The following PHF21B variants were observed in gnomAD, a reference collection of about 807,000 sequenced individuals.
The protein encoded by PHF21B is PHD finger protein 21B.
PHF21B carries 22 observed loss-of-function variants against 62.2 expected under a neutral mutation model. The ratio of observed to expected loss-of-function variants is 0.35; its 90% confidence interval spans 0.25 to 0.51. The LOEUF (loss-of-function observed/expected upper bound fraction) is 0.51, where lower values mean the gene tolerates loss of function less well. PHF21B is among the 20% of genes least tolerant of loss of function. The pLI is 0.97. For synonymous variants in PHF21B, 341 were observed against 314.7 expected (o/e 1.08, Z -0.88); for missense variants, 701 against 707.9 (o/e 0.99, Z 0.11).
At chr22:45,002,877 G>A (rs4823432) in intron 2 of PHF21B, 92,285 of 152,180 alleles carry the variant, frequency 0.61, 32,323 homozygotes, top group East Asian at 0.87. Context: ...CCCACTGCGC[G>A]TTTCTCTGGG....
At position 45,008,570 on chromosome 22, in the gene PHF21B, C is replaced by G. The variant is rs929037532; in HGVS notation, c.95G>C (p.Arg32Pro). Reference protein sequence around the residue: ...LKKQLHERQPRIAALSDKQAL... With the variant: ...LKKQLHERQPPIAALSDKQAL... ...TTGTTTGTCGCTGAGCGCGGCGATC[C>G]GCGGCTGCCTTTCGTGGAGCTGCTT... Residue 32 changes from arginine (R) to proline (P), a missense_variant, in exon 2 of 13, where the codon CGG (arginine) becomes CCG (proline). By Grantham distance (103) the Arg-to-Pro change is moderately radical (BLOSUM62 -2). Coordinates refer to ENST00000313237, the MANE Select transcript of PHF21B (RefSeq NM_138415.5). The G allele has an allele frequency of 6.3e-7, 1 of 1,588,720 alleles. No individual in the cohort carries two copies. Among genetic ancestry groups the G allele is most frequent in the Non-Finnish European group, 8.6e-7 (1 of 1,168,288 alleles).
chr22:44,907,732 C>A (rs1440701835), intron 5 of PHF21B, among the ~76,000 whole-genome samples: 1 of 152,186 alleles, frequency 6.6e-6, no homozygotes, highest in African/African-American at 2.4e-5. Context: ...GCACAACACG[C>A]TGAAACAGAC....
chr22:44,906,220 A>C (rs1226240340), intron 5 of PHF21B, among the ~76,000 whole-genome samples: 1 of 152,178 alleles, frequency 6.6e-6, no homozygotes, highest in Admixed American at 6.5e-5. Flanking sequence ...TGAAACGGAG[A>C]GGTCCATTCA....
intron 2 of PHF21B, among the ~76,000 whole-genome samples, chr22:44,964,540 C>T (rs1408135094): frequency 6.6e-6 from 1 of 152,218 alleles, no homozygotes; most frequent in African/African-American, 2.4e-5. Flanking sequence ...CTCACTGCGG[C>T]TCAGCATTTA....
chr22:44,998,033 G>GA (rs2073151499), intron 2 of PHF21B, among the ~76,000 whole-genome samples: 1 of 152,252 alleles, frequency 6.6e-6, no homozygotes, highest in East Asian at 1.9e-4. Context: ...TGGCTGCAGG[G>GA]ACTCCTGATT....
chr22:45,008,674 C>G, intron 1 of PHF21B, 64 bp from the exon 2 acceptor site: 1 of 1,230,858 alleles, frequency 8.1e-7, no homozygotes, highest in Non-Finnish European at 1.0e-6. Context: ...CCCAGCACCG[C>G]GGGCCGCGGC....
At chr22:44,925,612 G>A (rs2071614050) in intron 2 of PHF21B, among the ~76,000 whole-genome samples, 1 of 152,164 alleles carries the variant, frequency 6.6e-6, no homozygotes, top group South Asian at 2.1e-4. Flanking sequence ...GCAATGCGGA[G>A]CCCATGACAA....
chr22:44,887,260 G>C (rs138894212), intron 10 of PHF21B, among the ~76,000 whole-genome samples: 1 of 151,370 alleles, frequency 6.6e-6, no homozygotes, highest in South Asian at 2.1e-4. Context: ...GCTGCCACCC[G>C]CCACCCACCA....
chr22:44,959,397 G>A (rs1051451012), intron 2 of PHF21B, among the ~76,000 whole-genome samples: 14 of 152,202 alleles, frequency 9.2e-5, no homozygotes, highest in Non-Finnish European at 1.5e-5. Flanking sequence ...TGCTCCTGCT[G>A]TCTGTCCCCT....
chr22:44,926,252 T>G (rs1049666375), intron 2 of PHF21B, among the ~76,000 whole-genome samples: 3 of 152,130 alleles, frequency 2.0e-5, no homozygotes, highest in African/African-American at 7.2e-5. Context: ...GCAGGTTCTG[T>G]GGCGGGAAGG....
rs1350099477 is a variant in PHF21B at position 44,943,172 on chromosome 22, C to A, written c.121-22682G>T. ...TCCGGGGTTGCCTGCCTGTGGCCTT[C>A]GTGCCAGCACCCGCTCCCCCAAGCC... On this transcript the variant is annotated intron_variant, in intron 2 of 12. Transcript: ENST00000313237. 2.6e-5 allele frequency among the ~76,000 whole-genome samples: 4 copies of A among 152,234 alleles called. No homozygotes were observed. The East Asian group carries it at 7.8e-4, about 30-fold the overall frequency.
At chr22:44,947,435 G>A (rs1002653433) in intron 2 of PHF21B, among the ~76,000 whole-genome samples, 27 of 152,206 alleles carry the variant, frequency 1.8e-4, no homozygotes, top group African/African-American at 5.8e-4. Context: ...CCTGGCCAGC[G>A]CCAGGGCCCA....
intron 5 of PHF21B, 75 bp from the exon 6 acceptor site, chr22:44,896,158 G>A (rs1379050431): frequency 1.5e-5 from 23 of 1,549,722 alleles, no homozygotes; most frequent in Non-Finnish European, 2.0e-5. Context: ...AACATCTGCT[G>A]TGGCAGGTGC....
intron 5 of PHF21B, among the ~76,000 whole-genome samples, chr22:44,907,045 C>A (rs982599568): frequency 1.3e-5 from 2 of 152,172 alleles, no homozygotes; most frequent in African/African-American, 4.8e-5. Flanking sequence ...ATACATGTCA[C>A]GCGTTTTAGA....
chr22:44,912,119 G>A (rs1399354766), intron 5 of PHF21B, among the ~76,000 whole-genome samples: 2 of 152,232 alleles, frequency 1.3e-5, no homozygotes, highest in African/African-American at 4.8e-5. Flanking sequence ...CTCCCATTTG[G>A]AATGGCTGTA....
chr22:44,936,480 C>T (rs1042985165), intron 2 of PHF21B, among the ~76,000 whole-genome samples: 1 of 152,202 alleles, frequency 6.6e-6, no homozygotes, highest in Non-Finnish European at 1.5e-5. Flanking sequence ...GTGTGACATC[C>T]CACCTGGATG....
intron 9 of PHF21B, among the ~76,000 whole-genome samples, chr22:44,889,221 G>A (rs967011969): frequency 1.7e-4 from 25 of 151,466 alleles, no homozygotes; most frequent in Non-Finnish European, 2.8e-4. Context: ...TGCCATGAAC[G>A]AGGTCATGAC....
chr22:45,007,231 CA>C (rs55968270), intron 2 of PHF21B, among the ~76,000 whole-genome samples: 127,625 of 151,254 alleles, frequency 0.84, 53,966 homozygotes, highest in East Asian at 0.92. Context: ...CGGCCCCCCC[CA>C]AAACCCGCCA....
intron 5 of PHF21B, among the ~76,000 whole-genome samples, chr22:44,911,358 T>C (rs2071340923): frequency 6.6e-6 from 1 of 152,086 alleles, no homozygotes; most frequent in South Asian, 2.1e-4. Context: ...GTGGGGAAAA[T>C]GTCTCCAGGG....
Sources: gnomAD v4.1 joint callset for allele counts (sites outside exome capture counted in the v4.1 genomes callset) on GRCh38, gnomAD v4.1.1 for gene constraint, MANE v1.5 for transcripts, NCBI Gene and HGNC (gene_info 2026-07-23, HGNC 2026-07-21) for gene names.